TOX2: variants seen among roughly 807,000 people sequenced by gnomAD.
The protein encoded by TOX2 is granulosa cell HMG box 1.
A neutral mutation model predicts 47.4 loss-of-function variants in TOX2; 15 were observed. The ratio of observed to expected loss-of-function variants is 0.32; its 90% confidence interval spans 0.21 to 0.49. TOX2 has a LOEUF of 0.49. TOX2 is among the 20% of genes least tolerant of loss of function. The pLI is 0.99. For missense variants in TOX2, 622 were observed against 673.1 expected, an observed-to-expected ratio of 0.92 and a Z score of 0.84; for synonymous variants, 290 against 296.6, an observed-to-expected ratio of 0.98 and a Z score of 0.23.
intron 2 of TOX2, among the ~76,000 whole-genome samples, chr20:43,991,574 T>G (rs1216887485): frequency 2.0e-5 from 3 of 151,678 alleles, no homozygotes; most frequent in Non-Finnish European, 4.4e-5. Flanking sequence ...AGTGACCAAA[T>G]GGTGGAATTT....
intron 3 of TOX2, among the ~76,000 whole-genome samples, chr20:44,031,825 T>G (rs1258893753): frequency 1.3e-5 from 2 of 152,018 alleles, no homozygotes; most frequent in East Asian, 1.9e-4. Flanking sequence ...GGGAGGTTGG[T>G]GGATAACTCA....
chr20:44,050,457 A>G (rs988499240), intron 3 of TOX2, among the ~76,000 whole-genome samples: 1 of 152,200 alleles, frequency 6.6e-6, no homozygotes, highest in African/African-American at 2.4e-5. Context: ...CAAATAAATA[A>G]CCACAGATGC....
At chr20:44,051,842 C>T (rs1366521589) in intron 4 of TOX2, among the ~76,000 whole-genome samples, 2 of 152,210 alleles carry the variant, frequency 1.3e-5, no homozygotes, top group Non-Finnish European at 2.9e-5. Context: ...TTTGTGGCAT[C>T]GGGCTTTGGC....
intron 1 of TOX2, chr20:43,945,887 C>T (rs771540301): frequency 2.4e-5 from 38 of 1,608,964 alleles, no homozygotes; most frequent in East Asian, 1.3e-4. Context: ...CTATTTCTGG[C>T]ATTTTTTCCT....
chr20:44,040,634 A>G (rs2071316686), intron 3 of TOX2, among the ~76,000 whole-genome samples: 1 of 152,212 alleles, frequency 6.6e-6, no homozygotes, highest in Non-Finnish European at 1.5e-5. Flanking sequence ...TCATAAGTGG[A>G]CATGGTCAGC....
intron 3 of TOX2, among the ~76,000 whole-genome samples, chr20:44,024,657 T>G (rs2071031700): frequency 6.6e-6 from 1 of 151,950 alleles, no homozygotes; most frequent in African/African-American, 2.4e-5. Flanking sequence ...GAAAAAAAAA[T>G]TAAACCAACA....
intron 1 of TOX2, among the ~76,000 whole-genome samples, chr20:43,927,458 A>AACAC (rs34410581): frequency 0.044 from 5,837 of 131,258 alleles, 196 homozygotes; most frequent in Non-Finnish European, 0.063. Flanking sequence ...TGATCTATAT[A>AACAC]ACACACACAC....
At chr20:44,067,230 A>T (rs2071841214) in intron 8 of TOX2, among the ~76,000 whole-genome samples, 1 of 149,900 alleles carries the variant, frequency 6.7e-6, no homozygotes, top group South Asian at 2.1e-4. Context: ...CACTGGGGAA[A>T]GCTTGCAGGA....
chr20:43,985,390 AC>A (rs1472140119), intron 2 of TOX2, among the ~76,000 whole-genome samples: 2 of 152,194 alleles, frequency 1.3e-5, no homozygotes, highest in Non-Finnish European at 2.9e-5. Context: ...ATTTCAGCCC[AC>A]CAGGCATGAT....
chr20:44,043,370 T>G (rs1022048125), intron 3 of TOX2, among the ~76,000 whole-genome samples: 21 of 152,248 alleles, frequency 1.4e-4, no homozygotes, highest in Non-Finnish European at 4.4e-5. Context: ...AAGGTCCCTT[T>G]GTACCTCTCT....
chr20:43,952,296 C>A (rs1163458207), intron 1 of TOX2, among the ~76,000 whole-genome samples: 2 of 152,134 alleles, frequency 1.3e-5, no homozygotes, highest in Non-Finnish European at 1.5e-5. Context: ...CCCTGGCCCC[C>A]CAAAGCTCTG....
At chr20:43,981,948 TTTTAAAGAAAAGTC>T (rs933055742) in intron 2 of TOX2, among the ~76,000 whole-genome samples, 3 of 152,058 alleles carry the variant, frequency 2.0e-5, no homozygotes, top group African/African-American at 4.8e-5. Context: ...TTTTTTTTTT[TTTTAAAGAAAAGTC>T]TTTAGAATAT....
chr20:44,067,501 G>A (rs985344932), intron 8 of TOX2, among the ~76,000 whole-genome samples: 5 of 152,146 alleles, frequency 3.3e-5, no homozygotes, highest in African/African-American at 9.7e-5. Context: ...CAGGACAGGG[G>A]ACCTCGGTGG....
At chr20:44,065,407 C>T (rs2071795504) in intron 6 of TOX2, among the ~76,000 whole-genome samples, 1 of 152,176 alleles carries the variant, frequency 6.6e-6, no homozygotes, top group African/African-American at 2.4e-5. Context: ...TACAAAGGCA[C>T]AGAGGTTGGA....
Position 43,915,402 on chromosome 20 carries a change from C to G in TOX2, c.99+412C>G, listed in dbSNP as rs1040563419. Among the ~76,000 whole-genome samples, 1 of 152,172 alleles carries G rather than the reference C, an allele frequency of 6.6e-6. No homozygotes were observed. The highest frequency in any genetic ancestry group is 1.5e-5 in the Non-Finnish European group (1 of 68,038). On this transcript the variant is annotated intron_variant, in intron 1 of 8. Transcript: ENST00000341197. The surrounding 1 kb of genome is among the most constrained non-coding windows in gnomAD (Gnocchi z 7.1). ...AGCCTCACCGCCACAGACGAGTCACCCACAGACGCTCCGATGCCCCACACA... is the reference window on the plus strand; with the variant it reads ...AGCCTCACCGCCACAGACGAGTCACGCACAGACGCTCCGATGCCCCACACA...
At chr20:44,020,189 C>A (rs555282534) in intron 3 of TOX2, among the ~76,000 whole-genome samples, 1 of 152,308 alleles carries the variant, frequency 6.6e-6, no homozygotes, top group East Asian at 1.9e-4. Context: ...GGCAGCACTG[C>A]AGCGTGGATT....
intron 2 of TOX2, among the ~76,000 whole-genome samples, chr20:43,994,723 C>G (rs1001972511): frequency 6.6e-6 from 1 of 152,194 alleles, no homozygotes; most frequent in Non-Finnish European, 1.5e-5. Flanking sequence ...GCTGCTGAAA[C>G]CTTAGCTTGA....
Position 44,018,515 on chromosome 20 carries a change from C to T in TOX2, c.411+11723C>T, listed in dbSNP as rs747390691. Among the ~76,000 whole-genome samples, 8 of 152,096 alleles carry T rather than the reference C, an allele frequency of 5.3e-5. No individual in the cohort carries two copies. The East Asian group carries it at 5.8e-4, about 11-fold the overall frequency. On this transcript the variant is annotated intron_variant, in intron 3 of 8. Transcript: ENST00000341197. ...TTGGGAAAATGAGCTTTTAATGTAC[C>T]GTCGGCATTGCTGAGAAGCCATCTT...
At chr20:44,033,462 A>C (rs2071187950) in intron 3 of TOX2, among the ~76,000 whole-genome samples, 1 of 152,048 alleles carries the variant, frequency 6.6e-6, no homozygotes, top group Admixed American at 6.5e-5. Context: ...TTATATATCA[A>C]AAGGGGCTTT....
Sources: allele counts gnomAD v4.1 joint callset (sites outside exome capture counted in the v4.1 genomes callset), GRCh38; gene constraint gnomAD v4.1.1; non-coding constraint Gnocchi (gnomAD v3.1); transcripts MANE v1.5; gene names NCBI Gene and HGNC (gene_info 2026-07-23, HGNC 2026-07-21).